The following CABCOCO1 variants were observed in gnomAD, a reference collection of about 807,000 sequenced individuals.
The protein encoded by CABCOCO1 is ciliary associated calcium binding coiled-coil 1.
Under a neutral mutation model 35.7 loss-of-function variants are expected in CABCOCO1, and 28 were observed. The observed-to-expected ratio is 0.78, with a 90% confidence interval of 0.58 to 1.07. The LOEUF (loss-of-function observed/expected upper bound fraction) is 1.07. Ranked by LOEUF, CABCOCO1 falls within the 50% of genes least tolerant of loss-of-function variation. The pLI is 0.00. For synonymous variants in CABCOCO1, 95 were observed against 100.1 expected (o/e 0.95, Z 0.30); for missense variants, 326 against 309.2 (o/e 1.05, Z -0.41).
At chr10:61,677,811 G>GTTTTTTTTTTTTTTTTTTTT (rs35492889) in intron 2 of CABCOCO1, among the ~76,000 whole-genome samples, 1 of 60,308 alleles carries the variant, frequency 1.7e-5, no homozygotes, top group African/African-American at 6.7e-5. Flanking sequence ...TTTTTTGGGT[G>GTTTTTTTTTTTTTTTTTTTT]TTTTTTTTTT....
rs1343391002 is a variant in CABCOCO1 at position 61,680,668 on chromosome 10, TAAC to T, written c.165-473_165-471del. ...TAATATATATTATGTTATACATGTA[TAAC>T]ATATATGTTATACATGTATAACATA... On this transcript the variant is annotated intron_variant, in intron 2 of 7. Transcript: ENST00000648843. Among the ~76,000 whole-genome samples the T allele has an allele frequency of 2.6e-3, 188 of 72,106 alleles. 8 individuals carry two copies. The highest frequency in any genetic ancestry group is 5.8e-3 in the South Asian group (12 of 2,072). The allele number at this position is 72,106 out of a possible 152,430, so 47.3% of individuals were successfully genotyped here.
intron 5 of CABCOCO1, among the ~76,000 whole-genome samples, chr10:61,708,953 C>A (rs1481773554): frequency 2.6e-5 from 4 of 152,102 alleles, no homozygotes; most frequent in African/African-American, 9.7e-5. Flanking sequence ...AACTTCTAAT[C>A]TGGAAACTTT....
At chr10:61,706,630 C>CA (rs1245156617) in intron 5 of CABCOCO1, among the ~76,000 whole-genome samples, 2 of 152,068 alleles carry the variant, frequency 1.3e-5, no homozygotes, top group African/African-American at 4.8e-5. Context: ...TTTGCCTCTC[C>CA]AGACCCCTTT....
chr10:61,716,846 C>A (rs1399349643), intron 5 of CABCOCO1, among the ~76,000 whole-genome samples: 3 of 151,932 alleles, frequency 2.0e-5, no homozygotes, highest in Non-Finnish European at 1.5e-5. Context: ...AAAATCCAAA[C>A]TTTCTAATAG....
chr10:61,728,482 G>T (rs1453269069), intron 5 of CABCOCO1, among the ~76,000 whole-genome samples: 3 of 152,094 alleles, frequency 2.0e-5, no homozygotes, highest in Non-Finnish European at 2.9e-5. Context: ...GAATTCAATA[G>T]AATTCTTCTT....
chr10:61,716,256 A>C (rs1379691799), intron 5 of CABCOCO1, among the ~76,000 whole-genome samples: 1 of 152,206 alleles, frequency 6.6e-6, no homozygotes, highest in Non-Finnish European at 1.5e-5. Context: ...CACACAAAGT[A>C]AATTTTAGGA....
intron 5 of CABCOCO1, among the ~76,000 whole-genome samples, chr10:61,741,347 T>C (rs1251746752): frequency 6.6e-6 from 1 of 152,056 alleles, no homozygotes; most frequent in Non-Finnish European, 1.5e-5. Context: ...AAAAAATAAC[T>C]AATATTGATG....
chr10:61,672,694 A>G lies in CABCOCO1; in HGVS notation c.123A>G (p.Gln41=), dbSNP rs1392136730. ...CTCCGGATTTTCTTTCAGTTGCCCA[A>G]ATCACTGATTTGTTAATGGAGGACA... The part of the protein sequence containing the change: ...ILSPDFLSVA[Q]ITDLLMEDID... Residue 41 remains glutamine (Q), a synonymous_variant, in exon 2 of 8, where the codon CAA becomes CAG. Transcript: ENST00000648843. The G allele has an allele frequency of 2.7e-5, 27 of 985,268 alleles. No homozygotes were observed. Among genetic ancestry groups the G allele is most frequent in the Non-Finnish European group, 3.1e-5 (26 of 829,880 alleles). 61.0% of individuals were successfully genotyped at this position (985,268 alleles called of 1,614,324 possible).
At chr10:61,735,447 C>T (rs16916549) in intron 5 of CABCOCO1, among the ~76,000 whole-genome samples, 18,633 of 152,038 alleles carry the variant, frequency 0.12, 1,546 homozygotes, top group East Asian at 0.21. Context: ...CAAAGTTAGA[C>T]GGAGAGCTAC....
At chr10:61,750,203 G>A (rs1841751294) in intron 5 of CABCOCO1, among the ~76,000 whole-genome samples, 1 of 152,162 alleles carries the variant, frequency 6.6e-6, no homozygotes, top group African/African-American at 2.4e-5. Context: ...TAGGTGAGGG[G>A]TATGGTATCT....
chr10:61,748,161 G>GAAAA lies in CABCOCO1; in HGVS notation c.553-11891_553-11888dup, dbSNP rs10680460. 2.6e-4 allele frequency among the ~76,000 whole-genome samples: 39 copies of GAAAA among 148,432 alleles called. No individual in the cohort carries two copies. In the South Asian group the frequency reaches 5.6e-3, roughly 21 times the overall value. ...AGGTGAAGAGCAGGGAGATACGGGG[G>GAAAA]AAAAAAAAAACCCTAAAATTTGGCA... On this transcript the variant is annotated intron_variant, in intron 5 of 7. Transcript: ENST00000648843.
Position 61,681,148 on chromosome 10 carries a change from TGAG to T in CABCOCO1, c.171_173del (p.Arg58del). On this transcript the variant is annotated inframe_deletion, in exon 3 of 8. Coordinates refer to ENST00000648843, the MANE Select transcript of CABCOCO1 (RefSeq NM_001366906.2). ...ATTTTTGTTTTATTTTACAGAAAAC[TGAG>T]AATATTTTTGAATTTCAAAAACCTT... The T allele has an allele frequency of 6.9e-7, 1 of 1,443,806 alleles. No individual in the cohort carries two copies. The highest frequency in any genetic ancestry group is 2.5e-5 in the East Asian group (1 of 39,698). The allele number at this position is 1,443,806 out of a possible 1,614,324, so 89.4% of individuals were successfully genotyped here.
intron 5 of CABCOCO1, among the ~76,000 whole-genome samples, chr10:61,755,394 A>T (rs1006989315): frequency 2.6e-5 from 4 of 152,116 alleles, no homozygotes; most frequent in Admixed American, 6.6e-5. Context: ...ACATTACAGG[A>T]ATTTCTGTGC....
At chr10:61,701,755 C>T (rs1324266755) in intron 5 of CABCOCO1, 3 of 984,628 alleles carry the variant, frequency 3.0e-6, no homozygotes, top group South Asian at 4.7e-5. Flanking sequence ...TGAAAGTGGA[C>T]ATTTTCAAAT....
chr10:61,677,234 T>C (rs1211525444), intron 2 of CABCOCO1, among the ~76,000 whole-genome samples: 1 of 152,144 alleles, frequency 6.6e-6, no homozygotes, highest in Non-Finnish European at 1.5e-5. Context: ...TTTAGCAGCA[T>C]ATCTCACCAT....
rs536224484 is a variant in CABCOCO1 at position 61,701,631 on chromosome 10, G to A, written c.552+11010G>A. ...GTTTCCATTCTCTGATTACAAACCC[G>A]CAGAATCCATTAATAATCCACACTT... is the stretch of plus-strand genomic sequence containing the variant. On this transcript the variant is annotated intron_variant, in intron 5 of 7. Coordinates refer to ENST00000648843, the MANE Select transcript of CABCOCO1 (RefSeq NM_001366906.2). The A allele has an allele frequency of 2.0e-4, 200 of 984,510 alleles. 1 individual carries two copies. The highest frequency in any genetic ancestry group is 1.1e-3 in the Admixed American group (18 of 16,226). The allele number at this position is 984,510 out of a possible 1,614,324, so 61.0% of individuals were successfully genotyped here.
intron 1 of CABCOCO1, among the ~76,000 whole-genome samples, chr10:61,669,121 T>A (rs966781557): frequency 7.9e-5 from 12 of 151,916 alleles, no homozygotes; most frequent in African/African-American, 2.7e-4. Context: ...AAATCTGTTA[T>A]CTTTCTTTTG....
rs1241353672 is a variant in CABCOCO1 at position 61,683,532 on chromosome 10, G to A, written c.334+2220G>A. Among the ~76,000 whole-genome samples the A allele has an allele frequency of 2.0e-5, 3 of 152,104 alleles. No individual in the cohort carries two copies. The East Asian group carries it at 5.8e-4, about 29-fold the overall frequency. ...CCCATGATTGCATCACTGCATTCCA[G>A]CCTGGGCAACACAGCAAGATGCTGT... On this transcript the variant is annotated intron_variant, in intron 3 of 7. Coordinates refer to ENST00000648843, the MANE Select transcript of CABCOCO1 (RefSeq NM_001366906.2).
chr10:61,691,129 T>C (rs969852872), intron 5 of CABCOCO1, among the ~76,000 whole-genome samples: 2 of 152,154 alleles, frequency 1.3e-5, no homozygotes, highest in African/African-American at 4.8e-5. Flanking sequence ...AATCCTGTTA[T>C]TGTGTGCCAA....
Sources: gnomAD v4.1 joint callset for allele counts (sites outside exome capture counted in the v4.1 genomes callset) on GRCh38, gnomAD v4.1.1 for gene constraint, MANE v1.5 for transcripts, NCBI Gene and HGNC (gene_info 2026-07-23, HGNC 2026-07-21) for gene names.